Variants in CCDC3 observed in about 807,000 individuals in gnomAD.
The protein encoded by CCDC3 is coiled-coil domain containing 3, also known as coiled-coil domain-containing protein 3.
Under a neutral mutation model 21.4 loss-of-function variants are expected in CCDC3, and 24 were observed. The ratio of observed to expected loss-of-function variants is 1.12; its 90% CI spans 0.81 to 1.58. The LOEUF is 1.58. Ranked by LOEUF, CCDC3 falls within the 40% of genes most tolerant of loss-of-function variation. The pLI, the probability that CCDC3 is intolerant of heterozygous loss-of-function variation, is 0.00. For synonymous variants in CCDC3, 186 were observed against 166.0 expected, an observed-to-expected ratio of 1.12 and a Z score of -0.93; for missense variants, 425 against 360.9, an observed-to-expected ratio of 1.18 and a Z score of -1.44.
At position 12,896,717 on chromosome 10, in the gene CCDC3, G is replaced by GTACAT. The variant is rs1588993932; in HGVS notation, c.*1694_*1698dup. The GTACAT allele has an allele frequency of 6.6e-6, 1 of 151,034 alleles. No homozygotes were observed. Among genetic ancestry groups the GTACAT allele is most frequent in the African/African-American group, 2.5e-5 (1 of 39,864 alleles). 9.4% of individuals were successfully genotyped at this position (151,034 alleles called of 1,614,324 possible). On this transcript the variant is annotated 3_prime_UTR_variant, in exon 3 of 3. Coordinates refer to ENST00000378825, the MANE Select transcript of CCDC3 (RefSeq NM_031455.4). ...TTCCATGGTTCTCCAAGCACGGGCT[G>GTACAT]TACATTACCCTTAGGCTGACCATTC... is the stretch of plus-strand genomic sequence containing the variant.
intron 2 of CCDC3, among the ~76,000 whole-genome samples, chr10:12,941,397 C>G (rs117743313): frequency 0.046 from 7,056 of 152,296 alleles, 205 homozygotes; most frequent in Non-Finnish European, 0.07. Context: ...CTTGTACTTT[C>G]TTTCATTTTA....
chr10:12,955,305 G>A (rs927191825), intron 2 of CCDC3, among the ~76,000 whole-genome samples: 23 of 152,184 alleles, frequency 1.5e-4, no homozygotes, highest in African/African-American at 5.1e-4. Flanking sequence ...TGGGCAACCT[G>A]TAGTCTTTTG....
chr10:13,050,084 C>T (rs187162132), intron 4 of CCDC3: 2 of 152,130 alleles, frequency 1.3e-5, no homozygotes, highest in East Asian at 3.9e-4. Context: ...TGAAATTAGC[C>T]CAGGTATTAA....
Position 13,001,156 on chromosome 10 carries a change from G to A in CCDC3, c.374+41C>T, listed in dbSNP as rs764093356. 11 of 1,530,648 alleles carry A rather than the reference G, an allele frequency of 7.2e-6. No homozygotes were observed. In the East Asian group the frequency reaches 1.5e-4, roughly 21 times the overall value. The allele number at this position is 1,530,648 out of a possible 1,614,324, so 94.8% of individuals were successfully genotyped here. A position where few individuals can be genotyped will look rare whatever the true frequency, so the allele number is the denominator to read the frequency against. On this transcript the variant is annotated intron_variant, in intron 1 of 2. Coordinates refer to ENST00000378825, the MANE Select transcript of CCDC3 (RefSeq NM_031455.4). ...GGTAACGGCGACCTCGGGAGGTGGCGCAGAGAGAGAGAGAGGTGGCGGCGG... is the reference window on the plus strand; with the variant it reads ...GGTAACGGCGACCTCGGGAGGTGGCACAGAGAGAGAGAGAGGTGGCGGCGG...
At chr10:12,925,415 CTT>C (rs1176137273) in intron 2 of CCDC3, among the ~76,000 whole-genome samples, 1 of 152,196 alleles carries the variant, frequency 6.6e-6, no homozygotes, top group East Asian at 1.9e-4. Context: ...ACTGACACCT[CTT>C]GAGTTGCATA....
intron 4 of CCDC3, among the ~76,000 whole-genome samples, chr10:13,053,887 G>A (rs1009603607): frequency 6.6e-6 from 1 of 152,100 alleles, no homozygotes; most frequent in Non-Finnish European, 1.5e-5. Flanking sequence ...GGAAACTCTT[G>A]TAATCGCAGC....
At chr10:12,951,060 T>C (rs184999300) in intron 2 of CCDC3, among the ~76,000 whole-genome samples, 63 of 152,186 alleles carry the variant, frequency 4.1e-4, no homozygotes, top group Non-Finnish European at 8.4e-4. Context: ...AGGCAATCAA[T>C]CAGAAAGTAT....
chr10:12,898,479 C>T lies in CCDC3; in HGVS notation c.750G>A (p.Ala250=), dbSNP rs759678426. 1.8e-5 allele frequency: 29 copies of T among 1,613,146 alleles called. No individual in the cohort carries two copies. The highest frequency in any genetic ancestry group is 2.4e-5 in the Non-Finnish European group (28 of 1,179,456). The stretch of plus-strand genomic sequence containing the variant: ...CATTGATGTGCGGCAGCGCGCCCGC[C>T]GCCAGCTTCTCACTGAGTTTCTGGT... ...LANQKLSEKL[A]AGALPHINAR... The change falls in exon 3 of 3, where the codon GCG becomes GCA. Residue 250 remains alanine (A), a synonymous_variant. Coordinates refer to ENST00000378825, the MANE Select transcript of CCDC3 (RefSeq NM_031455.4).
At chr10:13,053,419 A>G (rs953585488) in intron 4 of CCDC3, among the ~76,000 whole-genome samples, 1 of 151,974 alleles carries the variant, frequency 6.6e-6, no homozygotes, top group Non-Finnish European at 1.5e-5. Flanking sequence ...AAAATTTAAA[A>G]TTTAGCCAAG....
At chr10:13,024,226 G>GTT (rs201930276) in intron 5 of CCDC3, among the ~76,000 whole-genome samples, 3 of 148,070 alleles carry the variant, frequency 2.0e-5, no homozygotes, top group Non-Finnish European at 4.5e-5. Context: ...TCTTTCCTTA[G>GTT]TTTTTTTTTT....
chr10:13,072,867 C>CTTTTT (rs144915227), intron 4 of CCDC3, among the ~76,000 whole-genome samples: 3 of 118,018 alleles, frequency 2.5e-5, no homozygotes, highest in East Asian at 2.4e-4. Context: ...TCTTTTCTTT[C>CTTTTT]TTTTTTTTTT....
chr10:13,044,952 C>G (rs115680655), intron 5 of CCDC3, among the ~76,000 whole-genome samples: 1 of 152,158 alleles, frequency 6.6e-6, no homozygotes, highest in Non-Finnish European at 1.5e-5. Flanking sequence ...TTTGTGTCAT[C>G]TATGATTTAA....
chr10:12,926,858 T>G (rs1446887986), intron 2 of CCDC3, among the ~76,000 whole-genome samples: 1 of 151,994 alleles, frequency 6.6e-6, no homozygotes, highest in East Asian at 1.9e-4. Flanking sequence ...TCATTGGAGG[T>G]CAACTCATAA....
intron 5 of CCDC3, among the ~76,000 whole-genome samples, chr10:13,020,002 A>C (rs1200240675): frequency 6.6e-6 from 1 of 152,230 alleles, no homozygotes; most frequent in African/African-American, 2.4e-5. Context: ...TTCTAAAATA[A>C]ATAAATAAAA....
At chr10:12,908,151 TCTA>T in intron 2 of CCDC3, among the ~76,000 whole-genome samples, 1 of 152,196 alleles carries the variant, frequency 6.6e-6, no homozygotes, top group East Asian at 1.9e-4. Context: ...TTCAGATAAA[TCTA>T]CTACAAAGGT....
At chr10:13,042,093 C>T (rs999751662) in intron 5 of CCDC3, among the ~76,000 whole-genome samples, 1 of 152,194 alleles carries the variant, frequency 6.6e-6, no homozygotes, top group Non-Finnish European at 1.5e-5. Flanking sequence ...GTGGATGAAA[C>T]ATAGAGTTTG....
intron 2 of CCDC3, among the ~76,000 whole-genome samples, chr10:12,982,038 C>T (rs1377966084): frequency 7.3e-6 from 1 of 136,676 alleles, no homozygotes; most frequent in Non-Finnish European, 1.5e-5. Context: ...AGGAGAATTG[C>T]TTGAACTCGG....
chr10:12,970,140 G>T (rs987531613), intron 2 of CCDC3, among the ~76,000 whole-genome samples: 1 of 152,134 alleles, frequency 6.6e-6, no homozygotes, highest in Non-Finnish European at 1.5e-5. Flanking sequence ...ACAGGAAGGG[G>T]TGAGTCACAG....
At chr10:12,960,341 G>C (rs1835162913) in intron 2 of CCDC3, among the ~76,000 whole-genome samples, 1 of 152,286 alleles carries the variant, frequency 6.6e-6, no homozygotes, top group South Asian at 2.1e-4. Flanking sequence ...TCGTCTGTGT[G>C]TGTTTGGGAG....
Sources: allele counts gnomAD v4.1 joint callset (sites outside exome capture counted in the v4.1 genomes callset), GRCh38; gene constraint gnomAD v4.1.1; transcripts MANE v1.5; gene names NCBI Gene and HGNC (gene_info 2026-07-23, HGNC 2026-07-21).